Variants in MAST4 observed in about 807,000 individuals in gnomAD.
MAST4 encodes microtubule-associated serine/threonine-protein kinase 4.
MAST4 carries 89 observed loss-of-function variants against 162.7 expected under a neutral mutation model. The observed-to-expected ratio is 0.55, with a 90% CI of 0.46 to 0.65. The LOEUF is 0.65. Among genes scored for constraint, MAST4 ranks in the 30% least tolerant of loss-of-function variants. MAST4 has a pLI of 0.00. For missense variants in MAST4, 3,153 were observed against 3,374.0 expected, an observed-to-expected ratio of 0.93 and a Z score of 1.62; for synonymous variants, 1,479 against 1,361.1, an observed-to-expected ratio of 1.09 and a Z score of -1.91.
intron 1 of MAST4, among the ~76,000 whole-genome samples, chr5:66,598,059 G>A (rs1209479048): frequency 2.0e-5 from 3 of 152,300 alleles, no homozygotes; most frequent in East Asian, 3.9e-4. Context: ...GTTAGCTTTA[G>A]TAAATAATTG....
At chr5:66,732,432 C>A (rs1046359889) in intron 1 of MAST4, among the ~76,000 whole-genome samples, 3 of 152,136 alleles carry the variant, frequency 2.0e-5, no homozygotes, top group Admixed American at 6.5e-5. Context: ...CCTCTTCTTC[C>A]TGGAAGCCTT....
At chr5:66,611,695 G>A (rs1743298844) in intron 1 of MAST4, among the ~76,000 whole-genome samples, 1 of 152,186 alleles carries the variant, frequency 6.6e-6, no homozygotes, top group African/African-American at 2.4e-5. Context: ...GCCATTGCTG[G>A]GATACATCGG....
chr5:67,161,399 T>C (rs1173004245), intron 27 of MAST4, among the ~76,000 whole-genome samples: 5 of 152,210 alleles, frequency 3.3e-5, no homozygotes, highest in Non-Finnish European at 7.3e-5. Flanking sequence ...ATTTATAATA[T>C]AAGATAAAAT....
chr5:66,669,082 G>C (rs1376951516), intron 1 of MAST4, among the ~76,000 whole-genome samples: 1 of 152,208 alleles, frequency 6.6e-6, no homozygotes, highest in Non-Finnish European at 1.5e-5. Context: ...TCTCAGTCTA[G>C]TGCCTGTATA....
intron 4 of MAST4, among the ~76,000 whole-genome samples, chr5:66,901,884 A>T (rs1763032123): frequency 1.3e-5 from 2 of 152,118 alleles, no homozygotes; most frequent in African/African-American, 4.8e-5. Flanking sequence ...GCCAGTAATT[A>T]CTCTCCTCAT....
chr5:66,993,239 A>G (rs1195221569), intron 4 of MAST4, among the ~76,000 whole-genome samples: 1 of 152,234 alleles, frequency 6.6e-6, no homozygotes, highest in East Asian at 1.9e-4. Flanking sequence ...CTGATTTTGG[A>G]AGCATCCCTC....
chr5:66,756,011 A>C (rs1470269444), intron 1 of MAST4, among the ~76,000 whole-genome samples: 1 of 152,220 alleles, frequency 6.6e-6, no homozygotes, highest in Non-Finnish European at 1.5e-5. Context: ...TAGAACTGAC[A>C]GTTTTGGAAA....
intron 3 of MAST4, among the ~76,000 whole-genome samples, chr5:66,877,286 A>G (rs1761367001): frequency 6.6e-6 from 1 of 152,162 alleles, no homozygotes; most frequent in Admixed American, 6.5e-5. Context: ...GAGCAATGGG[A>G]TAGCTAATAC....
chr5:66,712,114 A>C (rs1348458182), intron 1 of MAST4, among the ~76,000 whole-genome samples: 3 of 152,206 alleles, frequency 2.0e-5, no homozygotes, highest in African/African-American at 7.2e-5. Flanking sequence ...ATCATGCTGC[A>C]TGAGTATTCT....
At chr5:66,726,950 G>C (rs994667649) in intron 1 of MAST4, among the ~76,000 whole-genome samples, 2 of 152,140 alleles carry the variant, frequency 1.3e-5, no homozygotes, top group Non-Finnish European at 2.9e-5. Context: ...GGTGGAGGCT[G>C]ATTTAAGGGG....
chr5:67,100,485 A>T lies in MAST4; in HGVS notation c.963A>T (p.Thr321=), dbSNP rs2150848932. ...EKLHQLPYQP[T]PDELHFLSKH... is the part of the protein sequence containing the mutation. ...TGCATCAGTTACCATACCAACCAAC[A>T]CCAGACGAGTTACACTTCTTATCAA... The change falls in exon 8 of 29, where the codon ACA becomes ACT. Residue 321 remains threonine (T), a synonymous_variant. Coordinates refer to ENST00000403625, the MANE Select transcript of MAST4 (RefSeq NM_001164664.2). 1 of 1,613,936 alleles carries T rather than the reference A, an allele frequency of 6.2e-7. No homozygotes were observed. The highest frequency in any genetic ancestry group is 8.5e-7 in the Non-Finnish European group (1 of 1,179,864).
rs765340948 is a variant in MAST4 at position 67,163,866 on chromosome 5, A to G, written c.4687A>G (p.Asn1563Asp). 66 of 1,613,840 alleles carry G rather than the reference A, an allele frequency of 4.1e-5. No individual in the cohort carries two copies. The highest frequency in any genetic ancestry group is 5.3e-5 in the Non-Finnish European group (62 of 1,179,876). Residue 1563 changes from asparagine to aspartate, a missense_variant, in exon 29 of 29, where the codon AAC (asparagine) becomes GAC (aspartate). Asn to Asp is a conservative substitution (Grantham distance 23, BLOSUM62 1). Transcript: ENST00000403625. The surrounding 1 kb of genome is among the most constrained non-coding windows in gnomAD (Gnocchi z 7.0). Reference protein sequence around the residue: ...KSHGPGSDLENFALFKLEERE... With the variant: ...KSHGPGSDLEDFALFKLEERE... ...CCATGGACCCGGGAGTGATTTGGAA[A>G]ACTTTGCTCTGTTTAAGCTGGAAGA...
intron 25 of MAST4, 83 bp downstream of exon 25, chr5:67,152,949 T>C (rs1488913973): frequency 8.8e-7 from 1 of 1,132,502 alleles, no homozygotes; most frequent in Non-Finnish European, 1.3e-6. Context: ...AAATAGCAAA[T>C]ATATTTACTT....
chr5:66,805,922 A>G (rs1289576593), intron 3 of MAST4, among the ~76,000 whole-genome samples: 2 of 152,154 alleles, frequency 1.3e-5, no homozygotes, highest in African/African-American at 2.4e-5. Flanking sequence ...TTATGAAGGG[A>G]GAGACCAAGC....
intron 1 of MAST4, among the ~76,000 whole-genome samples, chr5:66,745,078 G>T (rs1251930358): frequency 3.3e-5 from 5 of 152,138 alleles, no homozygotes; most frequent in Non-Finnish European, 7.3e-5. Flanking sequence ...ATCATTAATT[G>T]ACCAAGATCC....
intron 3 of MAST4, among the ~76,000 whole-genome samples, chr5:66,790,978 A>G (rs547616222): frequency 5.3e-4 from 80 of 152,304 alleles, no homozygotes; most frequent in African/African-American, 1.8e-3. Context: ...TTGTAATTCA[A>G]ACAACACTGT....
At chr5:67,134,914 A>G (rs1769427090) in intron 18 of MAST4, among the ~76,000 whole-genome samples, 8 of 152,218 alleles carry the variant, frequency 5.3e-5, no homozygotes, top group Admixed American at 5.2e-4. Context: ...AGAATTTGGA[A>G]ATGTACTAGC....
At chr5:67,082,609 G>A (rs1051768854) in intron 5 of MAST4, among the ~76,000 whole-genome samples, 1 of 152,134 alleles carries the variant, frequency 6.6e-6, no homozygotes, top group Non-Finnish European at 1.5e-5. Context: ...CAATTGGTGA[G>A]ATTAAATGTA....
At chr5:66,657,704 T>A (rs1024681671) in intron 1 of MAST4, among the ~76,000 whole-genome samples, 1 of 152,208 alleles carries the variant, frequency 6.6e-6, no homozygotes, top group Admixed American at 6.5e-5. Flanking sequence ...TCTGCTTATT[T>A]CTATGTGTTC....
Sources: allele counts gnomAD v4.1 joint callset (sites outside exome capture counted in the v4.1 genomes callset), GRCh38; gene constraint gnomAD v4.1.1; non-coding constraint Gnocchi (gnomAD v3.1); transcripts MANE v1.5; gene names NCBI Gene and HGNC (gene_info 2026-07-23, HGNC 2026-07-21).